The following KLHDC1 variants were observed in gnomAD, a reference collection of about 807,000 sequenced individuals.
KLHDC1 encodes kelch domain containing 1, also known as kelch domain-containing protein 1.
In KLHDC1, 53 loss-of-function variants were observed where a neutral mutation model predicts 68.3. The observed-to-expected ratio is 0.78, with a 90% CI of 0.62 to 0.98. The LOEUF (loss-of-function observed/expected upper bound fraction) is 0.98. Among genes scored for constraint, KLHDC1 ranks in the 50% least tolerant of loss-of-function variants. The pLI is 0.00. For synonymous variants in KLHDC1, 148 were observed against 159.0 expected, an observed-to-expected ratio of 0.93 and a Z score of 0.52; for missense variants, 470 against 492.3, an observed-to-expected ratio of 0.95 and a Z score of 0.43.
At chr14:49,725,616 T>C (rs1888650740) in intron 5 of KLHDC1, 70 bp from the exon 6 acceptor site, 2 of 837,198 alleles carry the variant, frequency 2.4e-6, no homozygotes, top group Non-Finnish European at 3.8e-6. Flanking sequence ...CCAGTAAATA[T>C]GTGATAAAAC....
At chr14:49,736,960 A>G (rs1888943835) in intron 10 of KLHDC1, among the ~76,000 whole-genome samples, 1 of 152,238 alleles carries the variant, frequency 6.6e-6, no homozygotes, top group Non-Finnish European at 1.5e-5. Context: ...GAAAAGCCAT[A>G]TATGTAGCCA....
chr14:49,729,369 A>C, intron 7 of KLHDC1, 121 bp from the exon 8 acceptor site: 1 of 694,336 alleles, frequency 1.4e-6, no homozygotes, highest in Non-Finnish European at 2.6e-6. Context: ...TCCAATAGTT[A>C]AACATCTTAT....
intron 11 of KLHDC1, among the ~76,000 whole-genome samples, 156 bp from the exon 12 acceptor site, chr14:49,743,597 G>C (rs1889121014): frequency 6.6e-6 from 1 of 152,108 alleles, no homozygotes. Context: ...ATGTTTATGT[G>C]TGTGCATGAA....
chr14:49,707,421 C>G (rs976258060), intron 1 of KLHDC1, among the ~76,000 whole-genome samples: 2 of 139,626 alleles, frequency 1.4e-5, no homozygotes, highest in Admixed American at 1.5e-4. Context: ...AATCTCAGCT[C>G]ACTGCAGCCT....
At chr14:49,723,827 C>A in intron 4 of KLHDC1, 47 bp from the exon 5 acceptor site, 1 of 1,121,266 alleles carries the variant, frequency 8.9e-7, no homozygotes, top group Non-Finnish European at 1.3e-6. Flanking sequence ...TATGAACAAA[C>A]TGGAAACAGA....
At chr14:49,749,626 C>T (rs1221945134) in intron 12 of KLHDC1, among the ~76,000 whole-genome samples, 1 of 144,698 alleles carries the variant, frequency 6.9e-6, no homozygotes, top group Non-Finnish European at 1.5e-5. Flanking sequence ...TGCAGTAAGC[C>T]GAGATCACAT....
At chr14:49,750,317 T>A (rs1464455416) in intron 12 of KLHDC1, among the ~76,000 whole-genome samples, 1 of 152,164 alleles carries the variant, frequency 6.6e-6, no homozygotes, top group African/African-American at 2.4e-5. Flanking sequence ...GCTTTGCAAA[T>A]GTGGTTCTTC....
chr14:49,727,178 G>A (rs1332926546), intron 6 of KLHDC1, among the ~76,000 whole-genome samples: 2 of 152,094 alleles, frequency 1.3e-5, no homozygotes, highest in African/African-American at 4.8e-5. Context: ...AACCTGGGAG[G>A]CGGAGGTTGC....
chr14:49,740,166 T>TA lies in KLHDC1; in HGVS notation c.966dup (p.Leu323ThrfsTer9). On this transcript the variant is annotated frameshift_variant, in exon 11 of 13. Coordinates refer to ENST00000359332, the MANE Select transcript of KLHDC1 (RefSeq NM_172193.3). LOFTEE classifies it high-confidence loss of function. ...GTATTTGGTGGGAGCAAAGATGACT[T>TA]ACTTGCCTTGGATACAGTAAGAAAA... 6.2e-7 allele frequency: 1 copy of TA among 1,605,910 alleles called. No homozygotes were observed. The highest frequency in any genetic ancestry group is 8.5e-7 in the Non-Finnish European group (1 of 1,173,050).
intron 4 of KLHDC1, among the ~76,000 whole-genome samples, chr14:49,720,547 G>A (rs1340107119): frequency 6.6e-6 from 1 of 151,708 alleles, no homozygotes. Flanking sequence ...ATGCATTGGT[G>A]TGTAGTTCCT....
intron 9 of KLHDC1, 68 bp from the exon 10 acceptor site, chr14:49,734,521 T>C (rs1303043282): frequency 1.2e-6 from 1 of 868,220 alleles, no homozygotes; most frequent in African/African-American, 1.7e-5. Context: ...GCATGATAAA[T>C]TGGGGGGAAA....
At position 49,752,006 on chromosome 14, in the gene KLHDC1, G is replaced by C. The variant is rs182756400; in HGVS notation, c.*234G>C. ...TGCAGAACAAATATTCTTTCTGAAA[G>C]TAAGTACAGTTATAACAGATTTTAA... is the stretch of plus-strand genomic sequence containing the variant. On this transcript the variant is annotated 3_prime_UTR_variant, in exon 13 of 13. Transcript: ENST00000359332. 7.9e-4 allele frequency: 194 copies of C among 244,248 alleles called. No homozygotes were observed. Among genetic ancestry groups the C allele is most frequent in the African/African-American group, 3.7e-3 (165 of 44,932 alleles). The allele number at this position is 244,248 out of a possible 1,614,324, so 15.1% of individuals were successfully genotyped here.
Position 49,753,010 on chromosome 14 carries a change from ATATG to A in KLHDC1, c.*1241_*1244del, listed in dbSNP as rs1889350277. On this transcript the variant is annotated 3_prime_UTR_variant, in exon 13 of 13. Coordinates refer to ENST00000359332, the MANE Select transcript of KLHDC1 (RefSeq NM_172193.3). ...TGAATTTTAGAGAGATATTTCATATATATGTACTGTATTTTGGATGTGTAAAGCT... is the reference window on the plus strand; with the variant it reads ...TGAATTTTAGAGAGATATTTCATATATACTGTATTTTGGATGTGTAAAGCT... 1 of 152,082 alleles carries A rather than the reference ATATG, an allele frequency of 6.6e-6. No homozygotes were observed. The highest frequency in any genetic ancestry group is 2.1e-4 in the South Asian group (1 of 4,834). The allele number at this position is 152,082 out of a possible 1,614,324, so 9.4% of individuals were successfully genotyped here.
At chr14:49,737,848 G>C (rs1323952103) in intron 10 of KLHDC1, among the ~76,000 whole-genome samples, 1 of 127,928 alleles carries the variant, frequency 7.8e-6, no homozygotes, top group Admixed American at 9.4e-5. Context: ...CTGGGTGACA[G>C]AGCCAGATCC....
intron 5 of KLHDC1, among the ~76,000 whole-genome samples, chr14:49,724,245 T>C (rs941161628): frequency 4.1e-4 from 62 of 152,288 alleles, no homozygotes; most frequent in African/African-American, 1.5e-3. Flanking sequence ...GGAAAAATTA[T>C]GTTCATATTT....
chr14:49,710,417 C>T (rs1425550565), intron 4 of KLHDC1, 36 bp downstream of exon 4: 13 of 1,065,576 alleles, frequency 1.2e-5, no homozygotes, highest in Non-Finnish European at 1.6e-5. Flanking sequence ...ATTATGTCTA[C>T]CTAAGCAAAG....
intron 10 of KLHDC1, among the ~76,000 whole-genome samples, chr14:49,735,151 AAAAG>A (rs1039104262): frequency 6.6e-6 from 1 of 151,988 alleles, no homozygotes; most frequent in Non-Finnish European, 1.5e-5. Context: ...AATTTTTTGA[AAAAG>A]AAAATACGTT....
At chr14:49,749,261 T>C (rs892323583) in intron 12 of KLHDC1, among the ~76,000 whole-genome samples, 1 of 152,188 alleles carries the variant, frequency 6.6e-6, no homozygotes, top group African/African-American at 2.4e-5. Flanking sequence ...TGTGAATGTA[T>C]AAAGGATCAA....
At chr14:49,696,156 A>G (rs559971214) in intron 1 of KLHDC1, among the ~76,000 whole-genome samples, 2 of 150,766 alleles carry the variant, frequency 1.3e-5, no homozygotes, top group South Asian at 2.1e-4. Context: ...TGCAGGTTCT[A>G]CATGAGCACA....
Sources: allele counts gnomAD v4.1 joint callset (sites outside exome capture counted in the v4.1 genomes callset), GRCh38; gene constraint gnomAD v4.1.1; transcripts MANE v1.5; gene names NCBI Gene and HGNC (gene_info 2026-07-23, HGNC 2026-07-21).